ATP9B: variants seen among roughly 807,000 people sequenced by gnomAD.
ATP9B encodes probable phospholipid-transporting ATPase IIB.
In ATP9B, 110 loss-of-function variants were observed where a neutral mutation model predicts 146.1. The observed-to-expected ratio is 0.75, with a 90% confidence interval of 0.65 to 0.88. The LOEUF is 0.88. Ranked by LOEUF, ATP9B falls within the 40% of genes least tolerant of loss-of-function variation. The probability of loss-of-function intolerance (pLI) is 0.00; values close to 1 mark genes in which losing one functional copy is unlikely to be tolerated. For synonymous variants in ATP9B, 604 were observed against 569.7 expected (o/e 1.06, Z -0.86); for missense variants, 1,499 against 1,496.4 (o/e 1.00, Z -0.03).
intron 6 of ATP9B, among the ~76,000 whole-genome samples, chr18:79,147,942 A>T (rs1226913782): frequency 6.6e-6 from 1 of 152,230 alleles, no homozygotes; most frequent in African/African-American, 2.4e-5. Context: ...AGACTGATCA[A>T]AATAAAAAGT....
chr18:79,149,841 G>A (rs1028214687), intron 6 of ATP9B, among the ~76,000 whole-genome samples: 1 of 152,134 alleles, frequency 6.6e-6, no homozygotes, highest in Non-Finnish European at 1.5e-5. Context: ...CCAGCACTTT[G>A]GGAGGTCGAA....
intron 11 of ATP9B, among the ~76,000 whole-genome samples, 159 bp downstream of exon 11, chr18:79,214,197 A>G (rs1159746119): frequency 2.0e-5 from 3 of 152,212 alleles, no homozygotes; most frequent in Non-Finnish European, 4.4e-5. Flanking sequence ...CTCCGTATTT[A>G]TATAACAACA....
At chr18:79,217,226 C>G (rs1042299368) in intron 11 of ATP9B, among the ~76,000 whole-genome samples, 5 of 152,174 alleles carry the variant, frequency 3.3e-5, no homozygotes, top group Admixed American at 6.5e-5. Flanking sequence ...GCTGTGTTGC[C>G]CAGGCTGGAG....
At chr18:79,356,170 A>G (rs1464327947) in intron 25 of ATP9B, among the ~76,000 whole-genome samples, 1 of 152,164 alleles carries the variant, frequency 6.6e-6, no homozygotes, top group Non-Finnish European at 1.5e-5. Flanking sequence ...AGCCACAGAG[A>G]CCAGGTTAGA....
In ATP9B at chr18:79,126,316, G is replaced by A. The variant is rs530712695; in HGVS notation, c.608G>A (p.Arg203Gln). ...ACACGGGAAGCAATTGATGAATTTC[G>A]GCGTTTTCAGCGTGACAAGGAAGTG... ...TMTREAIDEF[R>Q]RFQRDKEVNS... is the part of the protein sequence containing the mutation. The change falls in exon 5 of 30, where the codon CGG becomes CAG. Residue 203 changes from arginine (R) to glutamine (Q), a missense_variant. Transcript: ENST00000426216. The A allele has an allele frequency of 2.9e-5, 46 of 1,611,698 alleles. No individual in the cohort carries two copies. The highest frequency in any genetic ancestry group is 3.9e-5 in the Non-Finnish European group (46 of 1,178,434).
At chr18:79,080,209 T>A (rs7240912) in intron 1 of ATP9B, among the ~76,000 whole-genome samples, 66,626 of 152,040 alleles carry the variant, frequency 0.44, 16,293 homozygotes, top group Middle Eastern at 0.67. Flanking sequence ...GGGCATAGCA[T>A]TGAATCTGTA....
At chr18:79,106,474 A>G (rs1568187154) in intron 2 of ATP9B, among the ~76,000 whole-genome samples, 1 of 152,190 alleles carries the variant, frequency 6.6e-6, no homozygotes, top group South Asian at 2.1e-4. Context: ...ACTCCCCTGT[A>G]TAGTGGTTTC....
At chr18:79,327,682 C>CGTGCTCTCCATGGATAGT (rs2096761987) in intron 15 of ATP9B, among the ~76,000 whole-genome samples, 1 of 139,254 alleles carries the variant, frequency 7.2e-6, no homozygotes, top group Admixed American at 7.2e-5. Flanking sequence ...CCGTGGTTAG[C>CGTGCTCTCCATGGATAGT]GTGCTCTCCG....
At chr18:79,241,813 T>G (rs1892275166) in intron 11 of ATP9B, among the ~76,000 whole-genome samples, 1 of 152,248 alleles carries the variant, frequency 6.6e-6, no homozygotes. Context: ...TTCTAAGAGC[T>G]TTAGAGTTTG....
intron 9 of ATP9B, among the ~76,000 whole-genome samples, chr18:79,193,765 C>G (rs369713118): frequency 6.6e-6 from 1 of 152,222 alleles, no homozygotes; most frequent in East Asian, 1.9e-4. Flanking sequence ...CTCAATAACT[C>G]TTTATTTTAA....
chr18:79,375,823 T>G, intron 29 of ATP9B: 1 of 985,464 alleles, frequency 1.0e-6, no homozygotes, highest in Non-Finnish European at 1.2e-6. Flanking sequence ...CTGTGTCATT[T>G]ATTTTACAAA....
intron 11 of ATP9B, among the ~76,000 whole-genome samples, chr18:79,245,550 AGGAGGGCACCGCCCTACTGACTGTGC>A (rs1303318163): frequency 5.8e-5 from 5 of 85,910 alleles, no homozygotes; most frequent in African/African-American, 1.8e-4. Flanking sequence ...CTACTGACTG[AGGAGGGCACCGCCCTACTGACTGTGC>A]GGAGGGCACC....
intron 5 of ATP9B, among the ~76,000 whole-genome samples, chr18:79,127,104 T>G (rs2094300100): frequency 6.6e-6 from 1 of 152,244 alleles, no homozygotes; most frequent in South Asian, 2.1e-4. Flanking sequence ...TTTTATCTTT[T>G]GTATGTATAT....
intron 1 of ATP9B, among the ~76,000 whole-genome samples, chr18:79,081,113 T>C (rs908549955): frequency 2.0e-5 from 3 of 152,216 alleles, no homozygotes; most frequent in Non-Finnish European, 2.9e-5. Context: ...GGTTTTGTTA[T>C]CAGGATGATG....
At chr18:79,309,448 C>G (rs1381137496) in intron 15 of ATP9B, among the ~76,000 whole-genome samples, 11 of 145,228 alleles carry the variant, frequency 7.6e-5, no homozygotes, top group Non-Finnish European at 1.6e-4. Flanking sequence ...TGATCCCCAG[C>G]AGGTAGAAGG....
At chr18:79,093,788 A>T (rs928682194) in intron 1 of ATP9B, among the ~76,000 whole-genome samples, 8 of 152,140 alleles carry the variant, frequency 5.3e-5, no homozygotes, top group Non-Finnish European at 8.8e-5. Flanking sequence ...GAGTATTTTT[A>T]AAAAAAGAAA....
At chr18:79,293,094 T>C (rs1267214248) in intron 13 of ATP9B, among the ~76,000 whole-genome samples, 1 of 151,084 alleles carries the variant, frequency 6.6e-6, no homozygotes, top group East Asian at 1.9e-4. Flanking sequence ...GATAATGCTA[T>C]GGAGAAAGAA....
chr18:79,373,495 T>TTTC (rs2097084797), intron 27 of ATP9B, among the ~76,000 whole-genome samples: 1 of 136,598 alleles, frequency 7.3e-6, no homozygotes, highest in East Asian at 2.0e-4. Flanking sequence ...ATCCGCCTTT[T>TTTC]TTTTTTTTTT....
In ATP9B at chr18:79,119,070, T is replaced by A. The variant is rs376698731; in HGVS notation, c.558+5716T>A. Among the ~76,000 whole-genome samples the A allele has an allele frequency of 4.2e-3, 586 of 138,696 alleles. 4 individuals are homozygous for A. The highest frequency in any genetic ancestry group is 0.02 in the South Asian group (89 of 4,352). 91.0% of individuals were successfully genotyped at this position (138,696 alleles called of 152,430 possible). ...TGGGTAACAGAGCGAGACCGTGTCT[T>A]AAAAAAAAAAAAAAAAAAATTGCCT... On this transcript the variant is annotated intron_variant, in intron 4 of 29. Coordinates refer to ENST00000426216, the MANE Select transcript of ATP9B (RefSeq NM_198531.5).
Sources: gnomAD v4.1 joint callset for allele counts (sites outside exome capture counted in the v4.1 genomes callset) on GRCh38, gnomAD v4.1.1 for gene constraint, MANE v1.5 for transcripts, NCBI Gene and HGNC (gene_info 2026-07-23, HGNC 2026-07-21) for gene names.